The following SLC38A11 variants were observed in gnomAD, a reference collection of about 807,000 sequenced individuals.
SLC38A11 encodes the protein solute carrier family 38 member 11.
Under a neutral mutation model 49.4 loss-of-function variants are expected in SLC38A11, and 51 were observed. The observed-to-expected ratio is 1.03, with a 90% CI of 0.83 to 1.30. SLC38A11 has a LOEUF of 1.30. SLC38A11 is among the 50% of genes most tolerant of loss of function. SLC38A11 has a pLI of 0.00. For missense variants in SLC38A11, 574 were observed against 556.2 expected (o/e 1.03, Z -0.32); for synonymous variants, 203 against 192.9 (o/e 1.05, Z -0.43).
intron 7 of SLC38A11, among the ~76,000 whole-genome samples, chr2:164,926,709 T>G (rs1686614083): frequency 6.6e-6 from 1 of 152,038 alleles, no homozygotes; most frequent in South Asian, 2.1e-4. Flanking sequence ...TCATGTCCTT[T>G]GTAGGGACAT....
chr2:164,932,380 C>A (rs1005575210), intron 7 of SLC38A11, among the ~76,000 whole-genome samples: 1 of 152,076 alleles, frequency 6.6e-6, no homozygotes, highest in Non-Finnish European at 1.5e-5. Flanking sequence ...AAAAACAGAG[C>A]TACCATTTGA....
At chr2:164,941,304 G>A (rs1687750541) in intron 5 of SLC38A11, among the ~76,000 whole-genome samples, 1 of 152,104 alleles carries the variant, frequency 6.6e-6, no homozygotes, top group South Asian at 2.1e-4. Context: ...CTTATATCAA[G>A]AGCCAAGGTT....
chr2:164,950,891 G>A (rs1012734714), intron 3 of SLC38A11, among the ~76,000 whole-genome samples: 9 of 151,830 alleles, frequency 5.9e-5, no homozygotes, highest in African/African-American at 2.2e-4. Context: ...TACCCTACAT[G>A]TAGATTTTGC....
intron 5 of SLC38A11, among the ~76,000 whole-genome samples, chr2:164,943,244 T>C (rs150588256): frequency 6.6e-6 from 1 of 152,252 alleles, no homozygotes; most frequent in East Asian, 1.9e-4. Context: ...TAGTGAAAAG[T>C]TGAACAGGGA....
chr2:164,931,915 T>G (rs542883458), intron 7 of SLC38A11, among the ~76,000 whole-genome samples: 2 of 152,054 alleles, frequency 1.3e-5, no homozygotes, highest in Non-Finnish European at 2.9e-5. Flanking sequence ...AAGCAAAAAT[T>G]GACAAATAGG....
chr2:164,927,158 T>C (rs976595303), intron 7 of SLC38A11, among the ~76,000 whole-genome samples: 2 of 152,138 alleles, frequency 1.3e-5, no homozygotes, highest in African/African-American at 2.4e-5. Context: ...TTCCTCCTCG[T>C]GAAGATGCAG....
rs1574716451 is a variant in SLC38A11 at position 164,898,284 on chromosome 2, T to C, written c.*153A>G. ...AGGTGAAATACATTCAATTTTTCTT[T>C]TCTTTATCTTTTATATTGCACTACT... On this transcript the variant is annotated 3_prime_UTR_variant, in exon 12 of 12. Transcript: ENST00000685975. 8 of 600,148 alleles carry C rather than the reference T, an allele frequency of 1.3e-5. No homozygotes were observed. In the East Asian group the frequency reaches 2.3e-4, roughly 17 times the overall value. The allele number at this position is 600,148 out of a possible 1,614,324, so 37.2% of individuals were successfully genotyped here. A position where few individuals can be genotyped will look rare whatever the true frequency, so the allele number is the denominator to read the frequency against.
At position 164,930,884 on chromosome 2, in the gene SLC38A11, T is replaced by C. The variant is rs183977480; in HGVS notation, c.617+6466A>G. On this transcript the variant is annotated intron_variant, in intron 7 of 11. Transcript: ENST00000685975. ...CCTGGCTCACCACTCATATTCAACA[T>C]GGTACTGGAAGTCCTGGCCAGAGCA... Among the ~76,000 whole-genome samples, 8 of 152,084 alleles carry C rather than the reference T, an allele frequency of 5.3e-5. No individual in the cohort carries two copies. The East Asian group carries it at 1.5e-3, about 29-fold the overall frequency.
intron 8 of SLC38A11, 195 bp downstream of exon 8, chr2:164,915,708 A>T: frequency 1.9e-6 from 1 of 528,690 alleles, no homozygotes; most frequent in Non-Finnish European, 3.4e-6. Flanking sequence ...ATTTCTCCAA[A>T]TTGAAGCAAA....
chr2:164,914,897 G>A (rs1685662023), intron 9 of SLC38A11, among the ~76,000 whole-genome samples: 1 of 151,978 alleles, frequency 6.6e-6, no homozygotes, highest in South Asian at 2.1e-4. Context: ...ACAGTGTGTG[G>A]AAGGAGAGAG....
At chr2:164,950,941 TA>T (rs993797198) in intron 3 of SLC38A11, among the ~76,000 whole-genome samples, 20 of 152,284 alleles carry the variant, frequency 1.3e-4, no homozygotes, top group Non-Finnish European at 1.5e-4. Flanking sequence ...AATCAGCCTA[TA>T]TTTTTTTTCA....
At chr2:164,943,158 G>A (rs956234309) in intron 5 of SLC38A11, among the ~76,000 whole-genome samples, 1 of 152,168 alleles carries the variant, frequency 6.6e-6, no homozygotes, top group Non-Finnish European at 1.5e-5. Flanking sequence ...ATGAAATGGG[G>A]ATTATGTAGC....
At chr2:164,914,095 C>G (rs1685593344) in intron 9 of SLC38A11, among the ~76,000 whole-genome samples, 1 of 151,990 alleles carries the variant, frequency 6.6e-6, no homozygotes, top group Admixed American at 6.6e-5. Context: ...GGAAAGAAAA[C>G]TGAACTTAAG....
intron 10 of SLC38A11, among the ~76,000 whole-genome samples, 159 bp downstream of exon 10, chr2:164,911,477 T>C (rs1358033254): frequency 2.0e-5 from 3 of 152,082 alleles, no homozygotes; most frequent in African/African-American, 7.2e-5. Context: ...AATTCATCTT[T>C]AAACTCTGAC....
chr2:164,902,066 C>T (rs1424439483), intron 11 of SLC38A11, among the ~76,000 whole-genome samples: 1 of 144,278 alleles, frequency 6.9e-6, no homozygotes, highest in African/African-American at 2.5e-5. Flanking sequence ...CAGGGTCTCA[C>T]TCTGTTTCCT....
intron 10 of SLC38A11, among the ~76,000 whole-genome samples, chr2:164,910,495 C>T (rs548344079): frequency 6.6e-6 from 1 of 152,188 alleles, no homozygotes; most frequent in East Asian, 1.9e-4. Context: ...CCTTTATAGT[C>T]AAGGTAGAGA....
intron 7 of SLC38A11, among the ~76,000 whole-genome samples, chr2:164,932,603 A>T (rs1687081798): frequency 6.6e-6 from 1 of 152,126 alleles, no homozygotes; most frequent in Non-Finnish European, 1.5e-5. Flanking sequence ...TGAGCTGGAG[A>T]GGGCATTATC....
chr2:164,942,525 CA>C (rs1273317658), intron 5 of SLC38A11, among the ~76,000 whole-genome samples: 1 of 151,664 alleles, frequency 6.6e-6, no homozygotes, highest in African/African-American at 2.4e-5. Flanking sequence ...AAACCCCCCA[CA>C]AAAATCCCAT....
intron 7 of SLC38A11, among the ~76,000 whole-genome samples, chr2:164,920,989 A>C (rs981388101): frequency 6.6e-6 from 1 of 152,210 alleles, no homozygotes; most frequent in Non-Finnish European, 1.5e-5. Flanking sequence ...GATAAACACA[A>C]AACTGAAATC....
Sources: allele counts gnomAD v4.1 joint callset (sites outside exome capture counted in the v4.1 genomes callset), GRCh38; gene constraint gnomAD v4.1.1; transcripts MANE v1.5; gene names NCBI Gene and HGNC (gene_info 2026-07-23, HGNC 2026-07-21).